The following FANCL variants were observed in gnomAD, a reference collection of about 807,000 sequenced individuals.
The protein encoded by FANCL is E3 ubiquitin-protein ligase FANCL.
A neutral mutation model predicts 59.4 loss-of-function variants in FANCL; 69 were observed. That is an observed-to-expected ratio of 1.16 (90% CI 0.96 to 1.42). FANCL has a LOEUF of 1.42. Among genes scored for constraint, FANCL ranks in the 40% most tolerant of loss-of-function variants. The pLI, the probability that FANCL is intolerant of heterozygous loss-of-function variation, is 0.00. For missense variants in FANCL, 519 were observed against 447.2 expected, an observed-to-expected ratio of 1.16 and a Z score of -1.45; for synonymous variants, 180 against 147.1, an observed-to-expected ratio of 1.22 and a Z score of -1.62.
At chr2:58,201,649 C>G (rs933438001) in intron 6 of FANCL, among the ~76,000 whole-genome samples, 1 of 151,954 alleles carries the variant, frequency 6.6e-6, no homozygotes, top group Middle Eastern at 3.4e-3. Flanking sequence ...TTTTGTAAAG[C>G]AAAGGTAATT....
At chr2:58,224,045 ATTT>A (rs1692733778) in intron 4 of FANCL, among the ~76,000 whole-genome samples, 1 of 151,894 alleles carries the variant, frequency 6.6e-6, no homozygotes, top group East Asian at 1.9e-4. Context: ...ACAGGATTTC[ATTT>A]TTATTCAGAA....
In FANCL at chr2:58,159,311, G is replaced by A. The variant is rs199954173; in HGVS notation, c.*454C>T. On this transcript the variant is annotated 3_prime_UTR_variant, in exon 14 of 14. Coordinates refer to ENST00000233741, the MANE Select transcript of FANCL (RefSeq NM_018062.4). The stretch of plus-strand genomic sequence containing the variant: ...CAAAATAAATACTTGGATAACTCAC[G>A]TCTAACAAACTAAACTATATATGTA... 56 of 1,479,308 alleles carry A rather than the reference G, an allele frequency of 3.8e-5. No individual in the cohort carries two copies. The Admixed American group carries it at 4.6e-4, about 12-fold the overall frequency. 91.6% of individuals were successfully genotyped at this position (1,479,308 alleles called of 1,614,324 possible).
At chr2:58,212,752 A>C (rs1016383464) in intron 5 of FANCL, among the ~76,000 whole-genome samples, 1 of 152,068 alleles carries the variant, frequency 6.6e-6, no homozygotes, top group Non-Finnish European at 1.5e-5. Context: ...CCAGTGTTAC[A>C]CCCAAAATAA....
At chr2:58,202,472 A>G (rs1268842776) in intron 6 of FANCL, among the ~76,000 whole-genome samples, 1 of 151,692 alleles carries the variant, frequency 6.6e-6, no homozygotes, top group African/African-American at 2.4e-5. Context: ...ATTCTAATAA[A>G]TCATACCAAC....
chr2:58,206,289 A>C (rs950141778), intron 5 of FANCL, among the ~76,000 whole-genome samples: 8 of 152,126 alleles, frequency 5.3e-5, no homozygotes, highest in Non-Finnish European at 8.8e-5. Context: ...TCAGTTCATA[A>C]TTCCTAAAAA....
chr2:58,236,939 A>G (rs867686514), intron 1 of FANCL, among the ~76,000 whole-genome samples: 1 of 152,186 alleles, frequency 6.6e-6, no homozygotes, highest in South Asian at 2.1e-4. Flanking sequence ...TATGGACCTA[A>G]TAACAGAACT....
At chr2:58,235,178 G>T (rs904885468) in intron 1 of FANCL, among the ~76,000 whole-genome samples, 3 of 151,900 alleles carry the variant, frequency 2.0e-5, no homozygotes, top group African/African-American at 7.3e-5. Context: ...GGAGAGTAGA[G>T]AAATATACAC....
intron 7 of FANCL, among the ~76,000 whole-genome samples, chr2:58,170,840 T>C (rs1201263246): frequency 6.6e-6 from 1 of 152,102 alleles, no homozygotes; most frequent in Non-Finnish European, 1.5e-5. Flanking sequence ...TAAATGTATA[T>C]GCACCCAATA....
At chr2:58,196,140 C>A (rs999316909) in intron 7 of FANCL, among the ~76,000 whole-genome samples, 1 of 151,878 alleles carries the variant, frequency 6.6e-6, no homozygotes, top group Non-Finnish European at 1.5e-5. Flanking sequence ...AAAGAGACTG[C>A]AAATATGGCA....
At chr2:58,191,107 C>T (rs1191200184) in intron 7 of FANCL, among the ~76,000 whole-genome samples, 1 of 151,488 alleles carries the variant, frequency 6.6e-6, no homozygotes, top group Non-Finnish European at 1.5e-5. Flanking sequence ...CCCACATATT[C>T]CAAATTAGCC....
At chr2:58,240,626 CAT>C (rs547231825) in intron 1 of FANCL, among the ~76,000 whole-genome samples, 102 of 152,328 alleles carry the variant, frequency 6.7e-4, no homozygotes, top group African/African-American at 2.3e-3. Context: ...AAACCCTACA[CAT>C]GTGTTAGTAT....
At chr2:58,238,700 T>C (rs1694244681) in intron 1 of FANCL, among the ~76,000 whole-genome samples, 1 of 152,182 alleles carries the variant, frequency 6.6e-6, no homozygotes, top group African/African-American at 2.4e-5. Context: ...CAATACTGTC[T>C]AATTACAATA....
chr2:58,216,071 C>T (rs909441586), intron 5 of FANCL, among the ~76,000 whole-genome samples: 3 of 151,972 alleles, frequency 2.0e-5, no homozygotes, highest in Non-Finnish European at 4.4e-5. Flanking sequence ...AAAAATGGAC[C>T]CCAAACTGTA....
chr2:58,216,550 C>T (rs1305054580), intron 5 of FANCL, among the ~76,000 whole-genome samples: 29 of 151,882 alleles, frequency 1.9e-4, no homozygotes, highest in Admixed American at 1.9e-3. Flanking sequence ...TGAGCAGAGA[C>T]AAGATTTAAG....
In FANCL at chr2:58,213,302, G is replaced by A. The variant is rs111464169; in HGVS notation, c.374+8640C>T. Among the ~76,000 whole-genome samples the A allele has an allele frequency of 8.4e-4, 128 of 152,250 alleles. 1 individual carries two copies. Among genetic ancestry groups the A allele is most frequent in the African/African-American group, 2.9e-3 (120 of 41,536 alleles). ...TTAAACAGTAGCAATTCTAGTATGT[G>A]GACAGCACAGTTCAGGTCTCAGCTT... On this transcript the variant is annotated intron_variant, in intron 5 of 13. Transcript: ENST00000233741.
At chr2:58,232,516 T>C (rs1289607953) in intron 1 of FANCL, among the ~76,000 whole-genome samples, 3 of 152,008 alleles carry the variant, frequency 2.0e-5, no homozygotes, top group Non-Finnish European at 4.4e-5. Flanking sequence ...CAATATAAAA[T>C]AAGGATATAT....
chr2:58,235,176 G>A (rs956816395), intron 1 of FANCL, among the ~76,000 whole-genome samples: 2 of 151,910 alleles, frequency 1.3e-5, no homozygotes, highest in East Asian at 3.9e-4. Context: ...ATGGAGAGTA[G>A]AGAAATATAC....
Position 58,160,191 on chromosome 2 carries a change from AAAAGAT to A in FANCL, c.1021-18_1021-13del. ...AGTCCTCTCAGCCACTGCAAATTTT[AAAAGAT>A]AAAGGAGAAGCGTCAGCATGATTAC... On this transcript the variant is annotated splice_polypyrimidine_tract_variant and intron_variant, in intron 12 of 13. Transcript: ENST00000233741. The A allele has an allele frequency of 6.2e-7, 1 of 1,612,046 alleles. No individual in the cohort carries two copies.
intron 1 of FANCL, among the ~76,000 whole-genome samples, 191 bp downstream of exon 1, chr2:58,241,027 A>C (rs573443278): frequency 7.0e-4 from 106 of 152,044 alleles, no homozygotes; most frequent in African/African-American, 2.4e-3. Context: ...CTCCCCATCC[A>C]GCGCGGCGAC....
Sources: allele counts gnomAD v4.1 joint callset (sites outside exome capture counted in the v4.1 genomes callset), GRCh38; gene constraint gnomAD v4.1.1; transcripts MANE v1.5; gene names NCBI Gene and HGNC (gene_info 2026-07-23, HGNC 2026-07-21).